The following PASD1 variants were observed in gnomAD, a reference collection of about 807,000 sequenced individuals.
The protein encoded by PASD1 is circadian clock protein PASD1.
PASD1 carries 13 observed loss-of-function variants against 58.8 expected under a neutral mutation model. The observed-to-expected ratio is 0.22, with a 90% CI of 0.14 to 0.35. The LOEUF (loss-of-function observed/expected upper bound fraction) is 0.35. PASD1 is among the 10% of genes least tolerant of loss of function. The pLI, the probability that PASD1 is intolerant of heterozygous loss-of-function variation, is 1.00. For synonymous variants in PASD1, 236 were observed against 216.7 expected (o/e 1.09, Z -0.78); for missense variants, 734 against 568.3 (o/e 1.29, Z -2.96).
At chrX:151,614,773 C>T (rs918994991) in intron 4 of PASD1, among the ~76,000 whole-genome samples, 2 of 111,884 alleles carry the variant, frequency 1.8e-5, no homozygotes, top group Non-Finnish European at 3.8e-5. Context: ...AAATATGTCA[C>T]TATTTTAGCC....
chrX:151,589,362 AC>A (rs2013215341), intron 1 of PASD1, among the ~76,000 whole-genome samples: 2 of 111,500 alleles, frequency 1.8e-5, no homozygotes, highest in Admixed American at 1.9e-4. Context: ...CATTGTTGCA[AC>A]AACAGGTGAT....
chrX:151,619,696 C>A (rs1452540553), intron 4 of PASD1, among the ~76,000 whole-genome samples: 1 of 111,248 alleles, frequency 9.0e-6, no homozygotes, highest in African/African-American at 3.3e-5. Context: ...ATATGGAGGG[C>A]ACTAGTGACC....
intron 1 of PASD1, among the ~76,000 whole-genome samples, chrX:151,569,911 A>G (rs188958132): frequency 2.7e-5 from 3 of 109,180 alleles, no homozygotes; most frequent in Non-Finnish European, 5.8e-5. Context: ...TACATTGTCA[A>G]CCTTTTCACT....
chrX:151,617,591 C>T (rs2013652061), intron 4 of PASD1, among the ~76,000 whole-genome samples: 1 of 110,671 alleles, frequency 9.0e-6, no homozygotes, highest in African/African-American at 3.3e-5. Flanking sequence ...CATTGGAATT[C>T]GTTGTCAGGT....
chrX:151,676,052 G>T lies in PASD1; in HGVS notation c.2231G>T (p.Gly744Val). The T allele has an allele frequency of 8.3e-7, 1 of 1,211,303 alleles. No homozygotes were observed. Among genetic ancestry groups the T allele is most frequent in the African/African-American group, 1.7e-5 (1 of 57,810 alleles). The change falls in exon 16 of 16, where the codon GGC (glycine) becomes GTC (valine). Residue 744 changes from glycine (G) to valine (V), a missense_variant. Physicochemically the swap from Gly to Val is moderately radical, Grantham distance 109. Coordinates refer to ENST00000370357, the MANE Select transcript of PASD1 (RefSeq NM_173493.3). The stretch of plus-strand genomic sequence containing the variant: ...CCTCCTGATCCACAGGCTTTCCAAG[G>T]CCCTGCTGCATACCAGCCAGACCAG... ...EGPPDPQAFQGPAAYQPDQMR... is the reference protein window; with the variant it reads ...EGPPDPQAFQVPAAYQPDQMR...
chrX:151,609,533 C>T (rs1255408330), intron 3 of PASD1, among the ~76,000 whole-genome samples: 1 of 111,850 alleles, frequency 8.9e-6, no homozygotes, highest in African/African-American at 3.2e-5. Flanking sequence ...TTTGGCTATC[C>T]TAGGAACTTC....
At position 151,669,462 on chromosome X, in the gene PASD1, A is replaced by G. The variant is rs767317561; in HGVS notation, c.1072-1576A>G. 1.3e-4 allele frequency among the ~76,000 whole-genome samples: 14 copies of G among 110,277 alleles called. No homozygotes were observed. The East Asian group carries it at 3.7e-3, about 29-fold the overall frequency. On this transcript the variant is annotated intron_variant, in intron 11 of 15. Transcript: ENST00000370357. ...TATACAATAGATTGTTTTAACTCTA[A>G]TTTTCCTACTTGAGTACTAGAACTT...
At chrX:151,632,568 CTT>C (rs960001135) in intron 8 of PASD1, among the ~76,000 whole-genome samples, 10 of 111,178 alleles carry the variant, frequency 9.0e-5, no homozygotes, top group African/African-American at 3.3e-4. Context: ...CATTATTTCT[CTT>C]GTTTTTCAAT....
chrX:151,674,062 A>G lies in PASD1; in HGVS notation c.2051A>G (p.Glu684Gly). ...ITSDSTISTLETPQDYIRLWQ... is the reference protein window; with the variant it reads ...ITSDSTISTLGTPQDYIRLWQ... ...TCAGACTCAACCATAAGCACCCTGG[A>G]GACCCCACAGGATTACATCCGGCTT... Residue 684 changes from glutamate to glycine, a missense_variant, in exon 15 of 16, where the codon GAG (glutamate) becomes GGG (glycine). Physicochemically the swap from Glu to Gly is moderately conservative, Grantham distance 98. Transcript: ENST00000370357. 8.3e-7 allele frequency: 1 copy of G among 1,211,725 alleles called. No homozygotes were observed. Among genetic ancestry groups the G allele is most frequent in the Non-Finnish European group, 1.1e-6 (1 of 895,347 alleles).
intron 8 of PASD1, among the ~76,000 whole-genome samples, chrX:151,636,918 CT>C (rs1184990777): frequency 9.0e-6 from 1 of 111,625 alleles, no homozygotes. Context: ...CACCTCACCC[CT>C]AACCCATTTC....
intron 1 of PASD1, among the ~76,000 whole-genome samples, chrX:151,595,923 G>T (rs2013317389): frequency 9.0e-6 from 1 of 111,237 alleles, no homozygotes; most frequent in Non-Finnish European, 1.9e-5. Flanking sequence ...TCATGGTCTG[G>T]AAGTGCCCTC....
At chrX:151,628,728 A>C (rs1266721148) in intron 8 of PASD1, among the ~76,000 whole-genome samples, 2 of 111,809 alleles carry the variant, frequency 1.8e-5, no homozygotes, top group African/African-American at 3.3e-5. Context: ...TTCTGTGAAG[A>C]AAGTCATTGG....
At chrX:151,642,357 C>A (rs1161571801) in intron 8 of PASD1, among the ~76,000 whole-genome samples, 1 of 100,713 alleles carries the variant, frequency 9.9e-6, no homozygotes, top group Non-Finnish European at 2.2e-5. Flanking sequence ...GATCCCTTAT[C>A]TATTCAGTAT....
chrX:151,567,173 C>A (rs182304079), intron 1 of PASD1, among the ~76,000 whole-genome samples: 1 of 111,595 alleles, frequency 9.0e-6, no homozygotes, highest in African/African-American at 3.3e-5. Flanking sequence ...CTCCGCCATA[C>A]GTACCACACC....
chrX:151,564,039 G>C (rs995014869), intron 1 of PASD1, among the ~76,000 whole-genome samples, 200 bp downstream of exon 1: 14 of 112,634 alleles, frequency 1.2e-4, no homozygotes, highest in Middle Eastern at 4.6e-3. Flanking sequence ...GCAGCGGGTA[G>C]CTGGGGGTTA....
intron 3 of PASD1, among the ~76,000 whole-genome samples, chrX:151,609,803 G>GTT (rs200781502): frequency 2.4e-5 from 1 of 41,710 alleles, no homozygotes; most frequent in Admixed American, 1.9e-4. Context: ...CTTTCAGGGT[G>GTT]TTTTTTTTTT....
At chrX:151,573,695 C>T (rs2012959671) in intron 1 of PASD1, among the ~76,000 whole-genome samples, 1 of 112,077 alleles carries the variant, frequency 8.9e-6, no homozygotes, top group Non-Finnish European at 1.9e-5. Flanking sequence ...TAGGGAAGGA[C>T]ATTTTAGGCA....
At chrX:151,572,682 G>T (rs1050314966) in intron 1 of PASD1, among the ~76,000 whole-genome samples, 13 of 110,545 alleles carry the variant, frequency 1.2e-4, no homozygotes, top group Non-Finnish European at 2.3e-4. Context: ...ATTGAAAAAG[G>T]ACTGGAGACA....
At chrX:151,661,451 A>G (rs2014309752) in intron 10 of PASD1, among the ~76,000 whole-genome samples, 1 of 112,115 alleles carries the variant, frequency 8.9e-6, no homozygotes, top group Non-Finnish European at 1.9e-5. Context: ...TTAATCTTGA[A>G]ATAATTTTGG....
Sources: gnomAD v4.1 joint callset for allele counts (sites outside exome capture counted in the v4.1 genomes callset) on GRCh38, gnomAD v4.1.1 for gene constraint, MANE v1.5 for transcripts, NCBI Gene and HGNC (gene_info 2026-07-23, HGNC 2026-07-21) for gene names.